The following FSTL5 variants were observed in gnomAD, a reference collection of about 807,000 sequenced individuals.
FSTL5 encodes follistatin like 5.
In FSTL5, 62 loss-of-function variants were observed where a neutral mutation model predicts 89.1. The ratio of observed to expected loss-of-function variants is 0.70; its 90% confidence interval spans 0.57 to 0.86. The LOEUF (loss-of-function observed/expected upper bound fraction) is 0.86, where lower values mean the gene tolerates loss of function less well. FSTL5 is among the 40% of genes least tolerant of loss of function. The pLI is 0.00. For synonymous variants in FSTL5, 383 were observed against 346.2 expected (o/e 1.11, Z -1.18); for missense variants, 1,057 against 1,001.6 (o/e 1.06, Z -0.75).
chr4:161,722,799 T>C (rs556721446), intron 6 of FSTL5, among the ~76,000 whole-genome samples: 48 of 152,180 alleles, frequency 3.2e-4, no homozygotes, highest in Non-Finnish European at 6.2e-4. Flanking sequence ...AAACTAAATA[T>C]GCTAAATGTC....
chr4:161,976,035 G>A (rs1201475411), intron 3 of FSTL5, among the ~76,000 whole-genome samples: 3 of 148,282 alleles, frequency 2.0e-5, no homozygotes, highest in Non-Finnish European at 3.0e-5. Flanking sequence ...GGAGAATCGC[G>A]TGAACTCGGC....
intron 4 of FSTL5, among the ~76,000 whole-genome samples, chr4:161,814,908 T>C (rs1001011163): frequency 1.3e-5 from 2 of 152,102 alleles, no homozygotes; most frequent in Non-Finnish European, 2.9e-5. Context: ...TGTGGGTTTA[T>C]AATGCATATA....
chr4:161,483,134 C>T (rs888632427), intron 12 of FSTL5, among the ~76,000 whole-genome samples: 1 of 152,144 alleles, frequency 6.6e-6, no homozygotes, highest in African/African-American at 2.4e-5. Flanking sequence ...CAGTATTACA[C>T]TTTCATTCAC....
chr4:161,688,207 G>A lies in FSTL5; in HGVS notation c.728-31713C>T, dbSNP rs538723193. Among the ~76,000 whole-genome samples, 5 of 152,206 alleles carry A rather than the reference G, an allele frequency of 3.3e-5. No individual in the cohort carries two copies. In the East Asian group the frequency reaches 9.7e-4, roughly 29 times the overall value. On this transcript the variant is annotated intron_variant, in intron 6 of 15. Coordinates refer to ENST00000306100, the MANE Select transcript of FSTL5 (RefSeq NM_020116.5). ...AAGTGATCCTGCCACCTCAGCCTCT[G>A]CGGTAGCTGGGACTACAGGTGAGCG...
At chr4:161,901,001 T>A (rs1025917498) in intron 4 of FSTL5, among the ~76,000 whole-genome samples, 4 of 152,168 alleles carry the variant, frequency 2.6e-5, no homozygotes, top group African/African-American at 9.7e-5. Context: ...TTATTTGTAA[T>A]CTGTGGCTGT....
chr4:162,122,100 G>A (rs1029339450), intron 1 of FSTL5, among the ~76,000 whole-genome samples: 1 of 151,994 alleles, frequency 6.6e-6, no homozygotes, highest in Middle Eastern at 3.2e-3. Flanking sequence ...GGAGTCAAAA[G>A]TTATATTTGA....
chr4:161,427,872 A>G (rs1378293138), intron 15 of FSTL5, among the ~76,000 whole-genome samples: 2 of 152,194 alleles, frequency 1.3e-5, no homozygotes, highest in Non-Finnish European at 2.9e-5. Context: ...CAGGAACACC[A>G]AACTGAACAA....
chr4:161,915,176 A>C (rs546667284), intron 4 of FSTL5, among the ~76,000 whole-genome samples: 1 of 152,282 alleles, frequency 6.6e-6, no homozygotes, highest in Non-Finnish European at 1.5e-5. Context: ...TTGGCTTTTT[A>C]GAATGATTAA....
chr4:161,778,869 G>C (rs1382219413), intron 4 of FSTL5, among the ~76,000 whole-genome samples: 1 of 152,174 alleles, frequency 6.6e-6, no homozygotes, highest in Non-Finnish European at 1.5e-5. Flanking sequence ...CATCAGGAAG[G>C]AGAGAAATGT....
intron 8 of FSTL5, among the ~76,000 whole-genome samples, chr4:161,571,174 A>G (rs963964862): frequency 2.6e-5 from 4 of 152,148 alleles, no homozygotes; most frequent in Non-Finnish European, 5.9e-5. Context: ...AATCTGGGAA[A>G]GAAAGTAATG....
chr4:161,608,968 G>A (rs1328903526), intron 7 of FSTL5, among the ~76,000 whole-genome samples: 1 of 151,810 alleles, frequency 6.6e-6, no homozygotes, highest in African/African-American at 2.4e-5. Flanking sequence ...TAAATCTCCT[G>A]TTGCATAACA....
At chr4:161,502,572 C>G (rs1476660596) in intron 11 of FSTL5, among the ~76,000 whole-genome samples, 1 of 151,768 alleles carries the variant, frequency 6.6e-6, no homozygotes, top group Non-Finnish European at 1.5e-5. Flanking sequence ...AAAATAAATG[C>G]CTATATACTG....
intron 1 of FSTL5, among the ~76,000 whole-genome samples, chr4:162,134,198 A>C (rs2872800): frequency 0.41 from 62,729 of 152,040 alleles, 14,559 homozygotes; most frequent in Non-Finnish European, 0.53. Context: ...GCATTGTAAA[A>C]TGTTGAGGAA....
chr4:162,155,342 G>A (rs62331317), intron 1 of FSTL5, among the ~76,000 whole-genome samples: 13,472 of 152,108 alleles, frequency 0.089, 743 homozygotes, highest in East Asian at 0.13. Flanking sequence ...GTTCTGAGCC[G>A]CAAAGAAACA....
chr4:162,010,277 A>T (rs546438984), intron 3 of FSTL5, among the ~76,000 whole-genome samples: 2 of 152,256 alleles, frequency 1.3e-5, no homozygotes, highest in African/African-American at 4.8e-5. Context: ...ATAAAATTTT[A>T]AAAATGCAGA....
intron 7 of FSTL5, among the ~76,000 whole-genome samples, chr4:161,606,365 A>C (rs1304058327): frequency 1.4e-5 from 2 of 147,952 alleles, no homozygotes; most frequent in African/African-American, 5.0e-5. Flanking sequence ...CCCCTGCTTC[A>C]GCCTCCTGAG....
intron 3 of FSTL5, among the ~76,000 whole-genome samples, chr4:161,997,298 T>C (rs1320693054): frequency 6.6e-6 from 1 of 152,220 alleles, no homozygotes; most frequent in Non-Finnish European, 1.5e-5. Context: ...TTCCAATATA[T>C]CTTAAGATGT....
chr4:161,745,523 A>G (rs935388024), intron 6 of FSTL5, among the ~76,000 whole-genome samples: 1 of 152,116 alleles, frequency 6.6e-6, no homozygotes, highest in East Asian at 1.9e-4. Flanking sequence ...TTGTTTAAAC[A>G]TATTTAAAAG....
At chr4:161,415,475 G>A (rs936752163) in intron 15 of FSTL5, among the ~76,000 whole-genome samples, 4 of 151,892 alleles carry the variant, frequency 2.6e-5, no homozygotes, top group Admixed American at 6.6e-5. Context: ...GGCTGGTCTC[G>A]AACTCCTAAC....
Sources: gnomAD v4.1 joint callset for allele counts (sites outside exome capture counted in the v4.1 genomes callset) on GRCh38, gnomAD v4.1.1 for gene constraint, MANE v1.5 for transcripts, NCBI Gene and HGNC (gene_info 2026-07-23, HGNC 2026-07-21) for gene names.